The following CUBN variants were observed in gnomAD, a reference collection of about 807,000 sequenced individuals.
CUBN encodes the protein cubilin.
CUBN carries 282 observed loss-of-function variants against 405.3 expected under a neutral mutation model. The observed-to-expected ratio is 0.70, with a 90% CI of 0.63 to 0.77. CUBN has a LOEUF of 0.77. Ranked by LOEUF, CUBN falls within the 30% of genes least tolerant of loss-of-function variation. The pLI is 0.00. For synonymous variants in CUBN, 1,684 were observed against 1,617.0 expected, an observed-to-expected ratio of 1.04 and a Z score of -0.99; for missense variants, 4,514 against 4,475.2, an observed-to-expected ratio of 1.01 and a Z score of -0.25.
intron 49 of CUBN, 56 bp from the exon 50 acceptor site, chr10:16,906,465 A>G: frequency 1.7e-6 from 2 of 1,196,940 alleles, no homozygotes; most frequent in Non-Finnish European, 2.5e-6. Context: ...CCACAACGGA[A>G]GAGATAAACA....
intron 27 of CUBN, among the ~76,000 whole-genome samples, chr10:17,021,823 T>C (rs113514675): frequency 6.8e-4 from 104 of 152,274 alleles, no homozygotes; most frequent in African/African-American, 2.2e-3. Context: ...TTTGTGGAAA[T>C]GATCACATCC....
chr10:16,965,912 C>T (rs749454005), intron 31 of CUBN: 6 of 466,620 alleles, frequency 1.3e-5, no homozygotes, highest in Admixed American at 4.8e-5. Flanking sequence ...CCCAATCACA[C>T]GCTTAGCAGT....
rs561168293 is a variant in CUBN, at chr10:16,946,755, C to CA, written c.5342+479dup. The stretch of plus-strand genomic sequence containing the variant: ...AAGTGATCCACCCGCCTTGGCCTCC[C>CA]AAAGTGCGGGATTACAGGCATGAGC... On this transcript the variant is annotated intron_variant, in intron 36 of 66. Coordinates refer to ENST00000377833, the MANE Select transcript of CUBN (RefSeq NM_001081.4). Among the ~76,000 whole-genome samples the CA allele has an allele frequency of 9.7e-4, 148 of 152,212 alleles. 3 individuals are homozygous for CA. In the South Asian group the frequency reaches 0.031, roughly 31 times the overall value.
rs551644975 is a variant in CUBN at position 16,969,634 on chromosome 10, T to G, written c.4695+12850A>C. Among the ~76,000 whole-genome samples, 6 of 152,314 alleles carry G rather than the reference T, an allele frequency of 3.9e-5. No homozygotes were observed. The East Asian group carries it at 1.2e-3, about 29-fold the overall frequency. ...TCCCAAAGTGCTGGGATTACAGGCG[T>G]GAGCCACTGAGCCCAGTCTACTGTT... On this transcript the variant is annotated intron_variant, in intron 31 of 66. Transcript: ENST00000377833.
Position 17,068,140 on chromosome 10 carries a change from G to A in CUBN, c.2932C>T (p.His978Tyr), listed in dbSNP as rs369981313. 1 of 1,613,560 alleles carries A rather than the reference G, an allele frequency of 6.2e-7. No individual in the cohort carries two copies. Among genetic ancestry groups the A allele is most frequent in the Admixed American group, 1.7e-5 (1 of 59,982 alleles). ...HLIHLMFETF[H>Y]LEFHYNCTND... Reference sequence around the variant, plus strand: ...GTGCAATTGTAATGAAACTCCAGATGAAATGTTTCGAACATTAAATGAATC... The same window carrying A: ...GTGCAATTGTAATGAAACTCCAGATAAAATGTTTCGAACATTAAATGAATC... Residue 978 changes from histidine (H) to tyrosine (Y), a missense_variant, in exon 21 of 67, where the codon CAT becomes TAT. By Grantham distance (83) the His-to-Tyr change is moderately conservative (BLOSUM62 2). This residue lies in a region of CUBN where 1,448 missense variants were observed against 1,388.0 expected (regional missense o/e 1.04). Coordinates refer to ENST00000377833, the MANE Select transcript of CUBN (RefSeq NM_001081.4).
chr10:17,036,289 GGT>G (rs1448291534), intron 27 of CUBN, among the ~76,000 whole-genome samples: 1 of 152,152 alleles, frequency 6.6e-6, no homozygotes, highest in Non-Finnish European at 1.5e-5. Context: ...AGGCTGGGGT[GGT>G]CATGTTGTTG....
chr10:17,049,568 C>A (rs1262959354), intron 22 of CUBN, among the ~76,000 whole-genome samples: 2 of 152,156 alleles, frequency 1.3e-5, no homozygotes, highest in Non-Finnish European at 2.9e-5. Context: ...TCTGGAACAA[C>A]TGGTGGGAGT....
At chr10:17,049,693 TCTGAAATGCTTTA>T (rs1835218775) in intron 22 of CUBN, among the ~76,000 whole-genome samples, 1 of 152,212 alleles carries the variant, frequency 6.6e-6, no homozygotes, top group Non-Finnish European at 1.5e-5. Context: ...ATTCACTTTG[TCTGAAATGCTTTA>T]CCCTTTACCT....
intron 3 of CUBN, 96 bp from the exon 4 acceptor site, chr10:17,126,895 A>G: frequency 8.1e-7 from 1 of 1,236,082 alleles, no homozygotes; most frequent in Non-Finnish European, 1.2e-6. Context: ...GCCCTCTGCT[A>G]GGGACACACT....
intron 17 of CUBN, among the ~76,000 whole-genome samples, chr10:17,073,756 C>T (rs1835790963): frequency 6.6e-6 from 1 of 152,124 alleles, no homozygotes; most frequent in Non-Finnish European, 1.5e-5. Context: ...AAATAGCCAG[C>T]TCTTATAGTA....
At chr10:17,111,575 T>C (rs1444565469) in intron 8 of CUBN, among the ~76,000 whole-genome samples, 1 of 152,194 alleles carries the variant, frequency 6.6e-6, no homozygotes, top group Non-Finnish European at 1.5e-5. Flanking sequence ...TACACCTGTA[T>C]ACCTACATTT....
chr10:16,932,974 A>G, intron 40 of CUBN, 113 bp downstream of exon 40: 1 of 1,059,204 alleles, frequency 9.4e-7, no homozygotes, highest in Non-Finnish European at 1.4e-6. Flanking sequence ...TGACCATAAT[A>G]TCTGTGTAAT....
Position 16,899,298 on chromosome 10 carries a change from C to A in CUBN, c.8411-115G>T, listed in dbSNP as rs568018109. On this transcript the variant is annotated intron_variant, in intron 53 of 66. Coordinates refer to ENST00000377833, the MANE Select transcript of CUBN (RefSeq NM_001081.4). ...TGAGATTTCAATTCATCATTTTTTA[C>A]AAGTGATCATCTTCCAGTCAGGTGC... 6.1e-6 allele frequency: 5 copies of A among 819,796 alleles called. No homozygotes were observed. The South Asian group carries it at 7.1e-5, about 12-fold the overall frequency. 50.8% of individuals were successfully genotyped at this position (819,796 alleles called of 1,614,324 possible).
chr10:17,011,447 C>T (rs889225042), intron 28 of CUBN, among the ~76,000 whole-genome samples: 3 of 152,044 alleles, frequency 2.0e-5, no homozygotes, highest in Non-Finnish European at 4.4e-5. Context: ...CCGGTGGGTT[C>T]GTGGTCTTGC....
intron 24 of CUBN, among the ~76,000 whole-genome samples, chr10:17,045,632 G>A (rs1389448079): frequency 6.6e-6 from 1 of 152,000 alleles, no homozygotes; most frequent in Non-Finnish European, 1.5e-5. Flanking sequence ...TGATCCCCCT[G>A]CCTCGGCCTC....
intron 30 of CUBN, among the ~76,000 whole-genome samples, chr10:16,983,485 G>A (rs958424652): frequency 1.3e-5 from 2 of 152,216 alleles, no homozygotes; most frequent in African/African-American, 2.4e-5. Flanking sequence ...ATGAGGATAT[G>A]AAGCGGACTT....
intron 31 of CUBN, among the ~76,000 whole-genome samples, chr10:16,978,001 G>C (rs1365430114): frequency 2.0e-5 from 3 of 152,186 alleles, no homozygotes; most frequent in Admixed American, 6.5e-5. Flanking sequence ...ATTTTAAATT[G>C]CTTTTGCTGG....
intron 6 of CUBN, 144 bp downstream of exon 6, chr10:17,122,651 C>T (rs756054233): frequency 8.8e-6 from 6 of 680,728 alleles, no homozygotes; most frequent in African/African-American, 5.4e-5. Context: ...GCTATGTAGA[C>T]GTTAAGCAAG....
intron 56 of CUBN, among the ~76,000 whole-genome samples, chr10:16,877,728 G>C (rs1321432686): frequency 2.6e-5 from 4 of 152,068 alleles, no homozygotes; most frequent in Non-Finnish European, 4.4e-5. Flanking sequence ...TTATTGTTTT[G>C]TTTGCCAATT....
Sources: allele counts gnomAD v4.1 joint callset (sites outside exome capture counted in the v4.1 genomes callset), GRCh38; gene constraint gnomAD v4.1.1; regional missense constraint gnomAD v4.1.1; transcripts MANE v1.5; gene names NCBI Gene and HGNC (gene_info 2026-07-23, HGNC 2026-07-21).